The following MARCHF1 variants were observed in gnomAD, a reference collection of about 807,000 sequenced individuals.
MARCHF1 encodes E3 ubiquitin-protein ligase MARCHF1.
Under a neutral mutation model 54.2 loss-of-function variants are expected in MARCHF1, and 40 were observed. The ratio of observed to expected loss-of-function variants is 0.74; its 90% confidence interval spans 0.57 to 0.96. The LOEUF (loss-of-function observed/expected upper bound fraction) is 0.96, where lower values mean the gene tolerates loss of function less well. MARCHF1 is among the 40% of genes least tolerant of loss of function. The probability of loss-of-function intolerance (pLI) is 0.00; values close to 1 mark genes in which losing one functional copy is unlikely to be tolerated. For missense variants in MARCHF1, 586 were observed against 656.5 expected (o/e 0.89, Z 1.17); for synonymous variants, 236 against 236.3 (o/e 1.00, Z 0.01).
intron 1 of MARCHF1, among the ~76,000 whole-genome samples, chr4:164,181,938 G>T (rs187467408): frequency 6.6e-6 from 1 of 152,164 alleles, no homozygotes; most frequent in African/African-American, 2.4e-5. Context: ...TAAATCATTT[G>T]CCAGTGTCAG....
intron 1 of MARCHF1, among the ~76,000 whole-genome samples, chr4:164,193,957 C>T (rs1052959703): frequency 6.6e-5 from 10 of 152,132 alleles, no homozygotes; most frequent in Non-Finnish European, 1.5e-4. Context: ...GGGCTTTTAG[C>T]ACATTCTAGT....
intron 1 of MARCHF1, among the ~76,000 whole-genome samples, chr4:164,132,832 T>C (rs1336528136): frequency 6.6e-6 from 1 of 152,148 alleles, no homozygotes. Context: ...TGTGTATGTA[T>C]ATTTATTTAT....
intron 8 of MARCHF1, among the ~76,000 whole-genome samples, chr4:163,579,062 T>C (rs1419107646): frequency 6.6e-6 from 1 of 152,206 alleles, no homozygotes; most frequent in Non-Finnish European, 1.5e-5. Context: ...TACTCTATAA[T>C]ACCAATCTCA....
chr4:164,336,198 C>T (rs1461582268), intron 1 of MARCHF1, among the ~76,000 whole-genome samples: 1 of 152,114 alleles, frequency 6.6e-6, no homozygotes, highest in Non-Finnish European at 1.5e-5. Flanking sequence ...ACCAAATTGG[C>T]TATTCTGAAC....
chr4:163,988,768 C>T (rs1752917077), intron 2 of MARCHF1, 59 bp from the exon 3 acceptor site: 1 of 152,180 alleles, frequency 6.6e-6, no homozygotes, highest in East Asian at 1.9e-4. Flanking sequence ...CCAGAGTCTT[C>T]TGGTCAAAAT....
At chr4:163,788,218 T>C (rs1747674787) in intron 4 of MARCHF1, among the ~76,000 whole-genome samples, 1 of 151,964 alleles carries the variant, frequency 6.6e-6, no homozygotes, top group Admixed American at 6.6e-5. Flanking sequence ...TAATATCATA[T>C]ATGTTTTACC....
chr4:164,011,165 GA>G (rs1318882144), intron 2 of MARCHF1, among the ~76,000 whole-genome samples: 1 of 151,272 alleles, frequency 6.6e-6, no homozygotes, highest in African/African-American at 2.4e-5. Context: ...GAAGCTACTA[GA>G]AAAAAAAATC....
intron 4 of MARCHF1, among the ~76,000 whole-genome samples, chr4:163,737,234 A>T (rs1398386211): frequency 6.1e-4 from 16 of 26,342 alleles, no homozygotes; most frequent in Non-Finnish European, 9.7e-4. Flanking sequence ...TTTTTATTAT[A>T]CTCTAAGTTT....
At chr4:164,279,917 T>C (rs1733984310) in intron 1 of MARCHF1, among the ~76,000 whole-genome samples, 1 of 151,770 alleles carries the variant, frequency 6.6e-6, no homozygotes, top group Non-Finnish European at 1.5e-5. Flanking sequence ...CAGCTTTACA[T>C]AACATGAATG....
intron 3 of MARCHF1, among the ~76,000 whole-genome samples, chr4:163,867,610 A>T (rs1750081410): frequency 6.6e-6 from 1 of 151,772 alleles, no homozygotes; most frequent in Non-Finnish European, 1.5e-5. Flanking sequence ...TCAGATACTG[A>T]CTACCAAGGC....
chr4:163,537,446 T>G (rs998930883), intron 9 of MARCHF1, among the ~76,000 whole-genome samples: 1 of 152,226 alleles, frequency 6.6e-6, no homozygotes, highest in African/African-American at 2.4e-5. Context: ...AGCTGTATCC[T>G]GCACTTCAAA....
At chr4:163,529,641 CATTT>C (rs535423495) in intron 9 of MARCHF1, 1 of 151,982 alleles carries the variant, frequency 6.6e-6, no homozygotes, top group Non-Finnish European at 1.5e-5. Flanking sequence ...GGATTTTAGC[CATTT>C]GTTTCATAAA....
intron 1 of MARCHF1, among the ~76,000 whole-genome samples, chr4:164,288,154 T>G (rs1401366008): frequency 1.3e-5 from 2 of 152,032 alleles, no homozygotes; most frequent in Non-Finnish European, 2.9e-5. Flanking sequence ...GTAAGAGAAT[T>G]AACGCTGAGG....
chr4:163,858,793 T>C (rs1460790635), intron 3 of MARCHF1, among the ~76,000 whole-genome samples: 4 of 152,224 alleles, frequency 2.6e-5, no homozygotes, highest in Admixed American at 2.6e-4. Context: ...AGTGGATGTT[T>C]TCACGTGCTC....
At chr4:163,816,514 G>T (rs1393484284) in intron 4 of MARCHF1, among the ~76,000 whole-genome samples, 1 of 151,422 alleles carries the variant, frequency 6.6e-6, no homozygotes, top group Non-Finnish European at 1.5e-5. Flanking sequence ...CTTTTATTAG[G>T]AATACTATTT....
intron 3 of MARCHF1, among the ~76,000 whole-genome samples, chr4:163,854,471 C>T (rs1749717343): frequency 6.6e-6 from 1 of 152,126 alleles, no homozygotes; most frequent in Admixed American, 6.6e-5. Context: ...TTTCAGAGAT[C>T]AGCTTATAAC....
chr4:164,129,944 T>C (rs1172002576), intron 1 of MARCHF1: 5 of 152,074 alleles, frequency 3.3e-5, no homozygotes, highest in Non-Finnish European at 5.9e-5. Context: ...AACTTAAAAT[T>C]TGAAAACAAG....
At chr4:164,026,149 C>G (rs1478950194) in intron 2 of MARCHF1, among the ~76,000 whole-genome samples, 1 of 152,086 alleles carries the variant, frequency 6.6e-6, no homozygotes, top group Admixed American at 6.6e-5. Context: ...CAAATTCCAG[C>G]AGACATACAA....
intron 7 of MARCHF1, among the ~76,000 whole-genome samples, chr4:163,587,946 C>T (rs1010315469): frequency 1.3e-5 from 2 of 152,070 alleles, no homozygotes; most frequent in Non-Finnish European, 2.9e-5. Context: ...TATATCTGCT[C>T]TCTCCCCAGG....
Sources: allele counts gnomAD v4.1 joint callset (sites outside exome capture counted in the v4.1 genomes callset), GRCh38; gene constraint gnomAD v4.1.1; transcripts MANE v1.5; gene names NCBI Gene and HGNC (gene_info 2026-07-23, HGNC 2026-07-21).